Variants in PTP4A1 observed in about 807,000 individuals in gnomAD.
PTP4A1 encodes the protein protein tyrosine phosphatase 4A1, also known as protein tyrosine phosphatase type IVA 1.
PTP4A1 carries 9 observed loss-of-function variants against 20.5 expected under a neutral mutation model. The ratio of observed to expected loss-of-function variants is 0.44; its 90% confidence interval spans 0.26 to 0.77. The LOEUF (loss-of-function observed/expected upper bound fraction) is 0.77. Among genes scored for constraint, PTP4A1 ranks in the 30% least tolerant of loss-of-function variants. PTP4A1 has a pLI of 0.19. For synonymous variants in PTP4A1, 78 were observed against 67.4 expected, an observed-to-expected ratio of 1.16 and a Z score of -0.77; for missense variants, 137 against 218.8, an observed-to-expected ratio of 0.63 and a Z score of 2.36.
upstream of PTP4A1, among the ~76,000 whole-genome samples, chr6:63,567,916 T>G (rs1777258141): frequency 6.6e-6 from 1 of 152,240 alleles, no homozygotes; most frequent in Non-Finnish European, 1.5e-5. Context: ...AGAGGGCTTC[T>G]ACTCTTAAAC....
chr6:63,532,006 G>A (rs1229765569), intron 2 of PTP4A1, among the ~76,000 whole-genome samples: 2 of 152,008 alleles, frequency 1.3e-5, no homozygotes, highest in Non-Finnish European at 2.9e-5. Flanking sequence ...TCACCATCTT[G>A]GTGAGGCTGG....
rs753217176 is a variant in PTP4A1 at position 63,528,600 on chromosome 6, C to T, written c.-640+516C>T. Among the ~76,000 whole-genome samples the T allele has an allele frequency of 1.0e-3, 156 of 151,826 alleles. 2 individuals carry two copies. Among genetic ancestry groups the T allele is most frequent in the Non-Finnish European group, 2.5e-4 (17 of 67,948 alleles). ...AAACAAATTAGCCAGCCATGAAAAA[C>T]TAGCCAGGCATGGCGGCATGCATGG... is the stretch of plus-strand genomic sequence containing the variant. On this transcript the variant is annotated intron_variant, in intron 2 of 3. Coordinates refer to the PTP4A1 transcript ENST00000639568.
chr6:63,579,056 G>C, intron 4 of PTP4A1, 28 bp downstream of exon 4: 1 of 1,542,328 alleles, frequency 6.5e-7, no homozygotes, highest in East Asian at 2.3e-5. Context: ...TTTGATTCTA[G>C]GTAAAAATCT....
chr6:63,527,182 T>C (rs953318345), intron 1 of PTP4A1, among the ~76,000 whole-genome samples: 16 of 152,174 alleles, frequency 1.1e-4, no homozygotes, highest in African/African-American at 3.9e-4. Context: ...ACAGTGAGTC[T>C]TCCTCAGAAT....
intron 1 of PTP4A1, among the ~76,000 whole-genome samples, chr6:63,573,055 G>C (rs575051281): frequency 6.6e-6 from 1 of 151,970 alleles, no homozygotes; most frequent in Non-Finnish European, 1.5e-5. Context: ...GCAGCGGGCC[G>C]GGTGGGTGGC....
chr6:63,541,113 A>G (rs1450376861), intron 2 of PTP4A1, among the ~76,000 whole-genome samples: 1 of 152,180 alleles, frequency 6.6e-6, no homozygotes, highest in Non-Finnish European at 1.5e-5. Flanking sequence ...ACTAAGGAGT[A>G]TAATTAACTC....
intron 3 of PTP4A1, among the ~76,000 whole-genome samples, chr6:63,556,785 G>T (rs1776706016): frequency 6.6e-6 from 1 of 152,186 alleles, no homozygotes; most frequent in Non-Finnish European, 1.5e-5. Context: ...ACGTAAAAGT[G>T]AGTTGTTAAT....
chr6:63,526,624 A>G (rs1240273198), intron 1 of PTP4A1, among the ~76,000 whole-genome samples: 1 of 151,644 alleles, frequency 6.6e-6, no homozygotes, highest in Non-Finnish European at 1.5e-5. Context: ...CCTGGCCACC[A>G]TGGTGAAACC....
intron 3 of PTP4A1, among the ~76,000 whole-genome samples, chr6:63,564,409 A>T (rs1014368654): frequency 2.6e-5 from 4 of 152,222 alleles, no homozygotes; most frequent in African/African-American, 9.6e-5. Context: ...CCCTAGTTAA[A>T]AAGCAACTGT....
intron 1 of PTP4A1, among the ~76,000 whole-genome samples, chr6:63,526,803 GTATATATATATATA>G (rs376671990): frequency 1.3e-4 from 13 of 101,448 alleles, no homozygotes; most frequent in South Asian, 7.0e-4. Flanking sequence ...TCTCAAAAAT[GTATATATATATATA>G]TATATATATA....
intron 2 of PTP4A1, among the ~76,000 whole-genome samples, chr6:63,534,783 A>AAAGAATTTCTTTAGTAAAGAATTTCATG: frequency 6.8e-6 from 1 of 147,536 alleles, no homozygotes; most frequent in East Asian, 1.9e-4. Flanking sequence ...TTTCTTTACT[A>AAAGAATTTCTTTAGTAAAGAATTTCATG]AAGAATTTCT....
chr6:63,555,918 T>A (rs1321274702), intron 3 of PTP4A1, among the ~76,000 whole-genome samples: 1 of 152,100 alleles, frequency 6.6e-6, no homozygotes, highest in African/African-American at 2.4e-5. Flanking sequence ...GGCGAACTCC[T>A]GGCCTCAAGT....
In PTP4A1 at chr6:63,580,183, T is replaced by G. The variant is rs1263172553; in HGVS notation, c.*9T>G. On this transcript the variant is annotated 3_prime_UTR_variant, in exon 6 of 6. Coordinates refer to ENST00000626021, the MANE Select transcript of PTP4A1 (RefSeq NM_003463.5). ...ACTGTTGCATTCAATAAAATTGGGGTGCCTAATGCTACTGGAAGTGGAACT... is the reference window on the plus strand; with the variant it reads ...ACTGTTGCATTCAATAAAATTGGGGGGCCTAATGCTACTGGAAGTGGAACT... 1.3e-6 allele frequency: 2 copies of G among 1,580,214 alleles called. No homozygotes were observed. Among genetic ancestry groups the G allele is most frequent in the East Asian group, 2.2e-5 (1 of 44,692 alleles).
intron 3 of PTP4A1, among the ~76,000 whole-genome samples, chr6:63,565,143 G>A (rs1340791348): frequency 6.6e-6 from 1 of 152,012 alleles, no homozygotes; most frequent in Middle Eastern, 3.2e-3. Context: ...CTCCGAGGGA[G>A]CTACAACTAC....
chr6:63,559,046 A>G (rs1023127325), intron 3 of PTP4A1, among the ~76,000 whole-genome samples: 1 of 152,252 alleles, frequency 6.6e-6, no homozygotes, highest in African/African-American at 2.4e-5. Context: ...CGAGAAGGAT[A>G]GATCATTTTG....
At chr6:63,548,673 T>C in intron 2 of PTP4A1, 1 of 465,540 alleles carries the variant, frequency 2.1e-6, no homozygotes. Flanking sequence ...TCTATTTTAA[T>C]TATTTTTATG....
intron 3 of PTP4A1, among the ~76,000 whole-genome samples, chr6:63,560,299 T>C (rs1233082625): frequency 2.1e-5 from 3 of 141,602 alleles, no homozygotes; most frequent in East Asian, 4.1e-4. Context: ...GATCACGCCA[T>C]TGCACTCCAG....
At chr6:63,541,374 G>A (rs760258947) in intron 2 of PTP4A1, among the ~76,000 whole-genome samples, 23 of 151,838 alleles carry the variant, frequency 1.5e-4, no homozygotes, top group Non-Finnish European at 2.9e-4. Context: ...CCAACATAGT[G>A]AAACCCCTCT....
At chr6:63,547,876 T>A (rs906228909) in intron 2 of PTP4A1, among the ~76,000 whole-genome samples, 5 of 152,186 alleles carry the variant, frequency 3.3e-5, no homozygotes, top group African/African-American at 1.2e-4. Flanking sequence ...TCTTGCACTT[T>A]CCAACACTTA....
Sources: allele counts gnomAD v4.1 joint callset (sites outside exome capture counted in the v4.1 genomes callset), GRCh38; gene constraint gnomAD v4.1.1; transcripts MANE v1.5; gene names NCBI Gene and HGNC (gene_info 2026-07-23, HGNC 2026-07-21).